Variants in PDE4D observed in about 807,000 individuals in gnomAD.
The protein encoded by PDE4D is 3',5'-cyclic-AMP phosphodiesterase 4D.
Under a neutral mutation model 87.4 loss-of-function variants are expected in PDE4D, and 24 were observed. That is an observed-to-expected ratio of 0.27 (90% CI 0.20 to 0.39). PDE4D has a LOEUF of 0.39. PDE4D is among the 10% of genes least tolerant of loss of function. The pLI is 1.00. For missense variants in PDE4D, 714 were observed against 1,041.0 expected, an observed-to-expected ratio of 0.69 and a Z score of 4.32; for synonymous variants, 384 against 383.2, an observed-to-expected ratio of 1.00 and a Z score of -0.02.
intron 1 of PDE4D, among the ~76,000 whole-genome samples, chr5:59,728,296 T>A (rs185630220): frequency 1.3e-5 from 2 of 152,184 alleles, no homozygotes; most frequent in Non-Finnish European, 2.9e-5. Flanking sequence ...AACATAAAAA[T>A]AATACAACTT....
At chr5:60,052,487 A>G (rs1031491637) in intron 2 of PDE4D, among the ~76,000 whole-genome samples, 1 of 151,958 alleles carries the variant, frequency 6.6e-6, no homozygotes, top group African/African-American at 2.4e-5. Context: ...AAAATTCAAC[A>G]CCCCTTCATG....
At chr5:59,506,794 G>T (rs763028201) in intron 1 of PDE4D, among the ~76,000 whole-genome samples, 7 of 152,110 alleles carry the variant, frequency 4.6e-5, no homozygotes, top group Non-Finnish European at 8.8e-5. Flanking sequence ...ATAATACGAA[G>T]TGTTGACAAG....
At chr5:60,049,590 G>T (rs1769819341) in intron 2 of PDE4D, among the ~76,000 whole-genome samples, 1 of 152,156 alleles carries the variant, frequency 6.6e-6, no homozygotes. Flanking sequence ...TAACAGACAG[G>T]ACCCTCAGCT....
intron 1 of PDE4D, among the ~76,000 whole-genome samples, chr5:60,374,183 T>A (rs1365272418): frequency 6.6e-6 from 1 of 151,960 alleles, no homozygotes; most frequent in East Asian, 1.9e-4. Flanking sequence ...TCAAAAACAA[T>A]CCCCCAAAAT....
chr5:60,341,423 G>A (rs1344600485), intron 1 of PDE4D, among the ~76,000 whole-genome samples: 2 of 152,166 alleles, frequency 1.3e-5, no homozygotes, highest in Non-Finnish European at 2.9e-5. Flanking sequence ...AAGCACCTTT[G>A]TGTAGAGCCT....
chr5:58,982,333 T>G (rs972128807), intron 11 of PDE4D, among the ~76,000 whole-genome samples: 1 of 151,990 alleles, frequency 6.6e-6, no homozygotes, highest in Non-Finnish European at 1.5e-5. Context: ...AGTAACTGAG[T>G]CTTCAAAAGG....
intron 1 of PDE4D, among the ~76,000 whole-genome samples, chr5:59,710,136 C>T (rs896827447): frequency 8.5e-5 from 13 of 152,126 alleles, no homozygotes; most frequent in Admixed American, 8.5e-4. Flanking sequence ...ACTATGCTGG[C>T]TCAGTGCCCA....
chr5:60,493,593 CATTCATT>C, intron 1 of PDE4D, among the ~76,000 whole-genome samples: 1 of 110,206 alleles, frequency 9.1e-6, no homozygotes. Flanking sequence ...ATCATTCATT[CATTCATT>C]CATTCATTCA....
At chr5:59,048,186 G>A (rs888950943) in intron 5 of PDE4D, among the ~76,000 whole-genome samples, 2 of 152,128 alleles carry the variant, frequency 1.3e-5, no homozygotes, top group Non-Finnish European at 1.5e-5. Flanking sequence ...CTTTTGTCTG[G>A]GAAGTTGTTT....
chr5:60,095,211 C>T (rs190414312), intron 2 of PDE4D, among the ~76,000 whole-genome samples: 58 of 152,250 alleles, frequency 3.8e-4, no homozygotes, highest in African/African-American at 1.3e-3. Context: ...CCCCCTCACC[C>T]TCTAACAGGC....
intron 1 of PDE4D, among the ~76,000 whole-genome samples, chr5:60,302,078 T>C (rs1371617437): frequency 6.6e-6 from 1 of 152,242 alleles, no homozygotes; most frequent in East Asian, 1.9e-4. Flanking sequence ...GTTTTGTCAG[T>C]ATTTTATTGA....
At chr5:60,290,383 T>TA (rs772513287) in intron 1 of PDE4D, among the ~76,000 whole-genome samples, 4 of 151,968 alleles carry the variant, frequency 2.6e-5, no homozygotes, top group Admixed American at 6.5e-5. Context: ...TAATGTGTGA[T>TA]AAAATTAAGA....
At chr5:59,347,564 A>G (rs35267) in intron 1 of PDE4D, among the ~76,000 whole-genome samples, 45,800 of 152,082 alleles carry the variant, frequency 0.3, 7,722 homozygotes, top group East Asian at 0.39. Context: ...GGTTCCTACT[A>G]TAGGACTATT....
At chr5:60,348,695 C>A (rs575350348) in intron 1 of PDE4D, among the ~76,000 whole-genome samples, 4 of 151,884 alleles carry the variant, frequency 2.6e-5, no homozygotes, top group African/African-American at 9.6e-5. Context: ...TTGCGGCTTG[C>A]CTGTATATTA....
At chr5:59,729,329 G>A (rs2150594375) in intron 1 of PDE4D, among the ~76,000 whole-genome samples, 1 of 152,156 alleles carries the variant, frequency 6.6e-6, no homozygotes, top group East Asian at 1.9e-4. Context: ...GAGAAAGTTT[G>A]CACCAGACCA....
At chr5:60,236,548 C>A (rs1746455366) in intron 1 of PDE4D, among the ~76,000 whole-genome samples, 1 of 151,886 alleles carries the variant, frequency 6.6e-6, no homozygotes, top group African/African-American at 2.4e-5. Flanking sequence ...AATGTCTACA[C>A]CCAATCCTCA....
rs545993567 is a variant in PDE4D at position 59,449,101 on chromosome 5, A to G, written c.456-233133T>C. 2.0e-5 allele frequency among the ~76,000 whole-genome samples: 3 copies of G among 152,356 alleles called. No individual in the cohort carries two copies. In the South Asian group the frequency reaches 6.2e-4, roughly 32 times the overall value. The stretch of plus-strand genomic sequence containing the variant: ...AAGAACAATGCTTTTGATGCATAAA[A>G]GCATAAAAATACCATTAGCAGTCCT... On this transcript the variant is annotated intron_variant, in intron 1 of 14. Coordinates refer to ENST00000340635, the MANE Select transcript of PDE4D (RefSeq NM_001104631.2).
intron 1 of PDE4D, among the ~76,000 whole-genome samples, chr5:59,873,346 A>G (rs917256285): frequency 2.0e-5 from 3 of 152,202 alleles, no homozygotes; most frequent in African/African-American, 7.2e-5. Context: ...TTTTAAGGCC[A>G]CACTCACATT....
At chr5:59,213,307 T>C (rs1218727356) in intron 2 of PDE4D, among the ~76,000 whole-genome samples, 2 of 151,902 alleles carry the variant, frequency 1.3e-5, no homozygotes, top group African/African-American at 4.8e-5. Context: ...ACTAAAGGCA[T>C]GTGCCACCAT....
Sources: allele counts gnomAD v4.1 joint callset (sites outside exome capture counted in the v4.1 genomes callset), GRCh38; gene constraint gnomAD v4.1.1; transcripts MANE v1.5; gene names NCBI Gene and HGNC (gene_info 2026-07-23, HGNC 2026-07-21).